The following AGPS variants were observed in gnomAD, a reference collection of about 807,000 sequenced individuals.
AGPS encodes the protein alkyldihydroxyacetonephosphate synthase, peroxisomal.
In AGPS, 26 loss-of-function variants were observed where a neutral mutation model predicts 90.7. That is an observed-to-expected ratio of 0.29 (90% CI 0.21 to 0.40). The LOEUF is 0.40. Among genes scored for constraint, AGPS ranks in the 10% least tolerant of loss-of-function variants. The pLI is 1.00. For missense variants in AGPS, 540 were observed against 816.1 expected (o/e 0.66, Z 4.12); for synonymous variants, 294 against 285.3 (o/e 1.03, Z -0.31).
intron 2 of AGPS, among the ~76,000 whole-genome samples, chr2:177,423,818 T>G (rs1285398232): frequency 6.6e-6 from 1 of 152,168 alleles, no homozygotes; most frequent in Non-Finnish European, 1.5e-5. Context: ...GATTTATAAT[T>G]TATCAGTTTA....
chr2:177,434,490 G>A, intron 3 of AGPS, 73 bp downstream of exon 3: 1 of 1,144,174 alleles, frequency 8.7e-7, no homozygotes, highest in South Asian at 1.3e-5. Context: ...ATTTATCTTT[G>A]TAATTCATTA....
At chr2:177,410,361 A>T (rs1160378434) in intron 1 of AGPS, among the ~76,000 whole-genome samples, 1 of 152,082 alleles carries the variant, frequency 6.6e-6, no homozygotes, top group Non-Finnish European at 1.5e-5. Context: ...AGGCTTCCTG[A>T]TGTTTGATAG....
Position 177,537,166 on chromosome 2 carries a change from ATTGC to A in AGPS, c.1856-901_1856-898del, listed in dbSNP as rs546095437. ...CATTTTGCCACAGATAAGTTAGCAT[ATTGC>A]TTGCTTTTTAATACCAGAGCAAACT... On this transcript the variant is annotated intron_variant, in intron 19 of 19. Transcript: ENST00000264167. 6.2e-4 allele frequency among the ~76,000 whole-genome samples: 94 copies of A among 152,278 alleles called. No individual in the cohort carries two copies. The Middle Eastern group carries it at 0.014, about 22-fold the overall frequency.
At chr2:177,478,244 A>G (rs1176070175) in intron 10 of AGPS, among the ~76,000 whole-genome samples, 1 of 151,924 alleles carries the variant, frequency 6.6e-6, no homozygotes, top group Non-Finnish European at 1.5e-5. Context: ...CTTGTGATTG[A>G]TGAGTCATTT....
At chr2:177,524,831 G>A (rs934472318) in intron 19 of AGPS, among the ~76,000 whole-genome samples, 1 of 152,150 alleles carries the variant, frequency 6.6e-6, no homozygotes, top group Non-Finnish European at 1.5e-5. Flanking sequence ...GATGCAGAAT[G>A]AATGAAAGAA....
chr2:177,457,145 G>A (rs1687142593), intron 8 of AGPS, among the ~76,000 whole-genome samples: 1 of 152,196 alleles, frequency 6.6e-6, no homozygotes, highest in Non-Finnish European at 1.5e-5. Flanking sequence ...TGAAACCAGT[G>A]AGAACGAAGA....
intron 19 of AGPS, among the ~76,000 whole-genome samples, chr2:177,527,372 G>C (rs866050392): frequency 6.6e-6 from 1 of 152,074 alleles, no homozygotes; most frequent in Non-Finnish European, 1.5e-5. Context: ...AGGTTGCAGT[G>C]AGCCATGATC....
At chr2:177,476,797 C>G (rs1235327378) in intron 10 of AGPS, among the ~76,000 whole-genome samples, 1 of 152,018 alleles carries the variant, frequency 6.6e-6, no homozygotes, top group Non-Finnish European at 1.5e-5. Context: ...CTATTTCTCC[C>G]TTCATTTCTG....
chr2:177,540,013 A>G lies in AGPS; in HGVS notation c.*1818A>G. ...GGTGATCAAAATATAAAATTAAGGTACTAATGTCTCACTGGAAGTATATAT... is the reference window on the plus strand; with the variant it reads ...GGTGATCAAAATATAAAATTAAGGTGCTAATGTCTCACTGGAAGTATATAT... On this transcript the variant is annotated 3_prime_UTR_variant, in exon 20 of 20. Coordinates refer to ENST00000264167, the MANE Select transcript of AGPS (RefSeq NM_003659.4). 1 of 148,746 alleles carries G rather than the reference A, an allele frequency of 6.7e-6. No individual in the cohort carries two copies. Among genetic ancestry groups the G allele is most frequent in the Admixed American group, 6.8e-5 (1 of 14,780 alleles). 9.2% of individuals were successfully genotyped at this position (148,746 alleles called of 1,614,324 possible). A position where few individuals can be genotyped will look rare whatever the true frequency, so the allele number is the denominator to read the frequency against.
At chr2:177,536,535 G>GA (rs1259136460) in intron 19 of AGPS, among the ~76,000 whole-genome samples, 5 of 152,072 alleles carry the variant, frequency 3.3e-5, no homozygotes, top group Non-Finnish European at 7.4e-5. Context: ...ATTTGCAAGT[G>GA]AAAAAACAGG....
At chr2:177,458,695 A>G (rs1574384453) in intron 8 of AGPS, among the ~76,000 whole-genome samples, 1 of 152,212 alleles carries the variant, frequency 6.6e-6, no homozygotes, top group African/African-American at 2.4e-5. Context: ...AAATGGAAAA[A>G]CATTCCATGC....
In AGPS at chr2:177,428,196, C is replaced by T. The variant is rs574478462; in HGVS notation, c.351-6131C>T. Among the ~76,000 whole-genome samples the T allele has an allele frequency of 3.9e-5, 6 of 152,236 alleles. No individual in the cohort carries two copies. In the East Asian group the frequency reaches 1.2e-3, roughly 29 times the overall value. On this transcript the variant is annotated intron_variant, in intron 2 of 19. Coordinates refer to ENST00000264167, the MANE Select transcript of AGPS (RefSeq NM_003659.4). ...TTTGCTTGGTAAATTTTCCTCCATC[C>T]CTTTCTTTTGAGTTCATGTGTGTCT...
intron 2 of AGPS, 23 bp from the exon 3 acceptor site, chr2:177,434,304 T>G: frequency 6.5e-7 from 1 of 1,549,972 alleles, no homozygotes; most frequent in East Asian, 2.3e-5. Flanking sequence ...TGCTCTAATA[T>G]TTTTACTTTC....
intron 13 of AGPS, among the ~76,000 whole-genome samples, chr2:177,498,485 T>G (rs1176356241): frequency 6.6e-6 from 1 of 151,590 alleles, no homozygotes; most frequent in East Asian, 1.9e-4. Flanking sequence ...GGGATTTTTC[T>G]TTTTTGGTGT....
chr2:177,525,414 T>A (rs538949339), intron 19 of AGPS, among the ~76,000 whole-genome samples: 7 of 152,290 alleles, frequency 4.6e-5, no homozygotes, highest in African/African-American at 1.2e-4. Context: ...GCGAAATGAT[T>A]TAGCCATAAT....
At chr2:177,491,299 C>T (rs1464152739) in intron 11 of AGPS, among the ~76,000 whole-genome samples, 1 of 150,110 alleles carries the variant, frequency 6.7e-6, no homozygotes, top group Non-Finnish European at 1.5e-5. Flanking sequence ...CAGAGTCTCG[C>T]TCTGTCGCCC....
chr2:177,533,050 A>G (rs2079151982), intron 19 of AGPS, among the ~76,000 whole-genome samples: 1 of 152,178 alleles, frequency 6.6e-6, no homozygotes, highest in Admixed American at 6.6e-5. Context: ...TATCAGTGTC[A>G]ATGTCTTATT....
At chr2:177,520,710 TAGCAG>T (rs1689161183) in intron 17 of AGPS, among the ~76,000 whole-genome samples, 1 of 152,226 alleles carries the variant, frequency 6.6e-6, no homozygotes, top group Non-Finnish European at 1.5e-5. Context: ...ATTTGTTAAA[TAGCAG>T]AAAGAGAAAA....
At chr2:177,432,986 G>A (rs1686288860) in intron 2 of AGPS, among the ~76,000 whole-genome samples, 1 of 152,104 alleles carries the variant, frequency 6.6e-6, no homozygotes. Context: ...CTTCCCCCAG[G>A]GCATTAATCT....
Sources: allele counts gnomAD v4.1 joint callset (sites outside exome capture counted in the v4.1 genomes callset), GRCh38; gene constraint gnomAD v4.1.1; transcripts MANE v1.5; gene names NCBI Gene and HGNC (gene_info 2026-07-23, HGNC 2026-07-21).